TANC1: variants seen among roughly 807,000 people sequenced by gnomAD.
TANC1 encodes the protein protein TANC1.
Under a neutral mutation model 149.7 loss-of-function variants are expected in TANC1, and 77 were observed. The ratio of observed to expected loss-of-function variants is 0.51; its 90% CI spans 0.43 to 0.62. TANC1 has a LOEUF of 0.62. TANC1 is among the 20% of genes least tolerant of loss of function. The pLI, the probability that TANC1 is intolerant of heterozygous loss-of-function variation, is 0.00. For synonymous variants in TANC1, 854 were observed against 925.0 expected (o/e 0.92, Z 1.39); for missense variants, 1,985 against 2,321.8 (o/e 0.85, Z 2.98).
At chr2:159,029,629 T>A (rs531700262) in intron 2 of TANC1, among the ~76,000 whole-genome samples, 1 of 152,218 alleles carries the variant, frequency 6.6e-6, no homozygotes, top group South Asian at 2.1e-4. Flanking sequence ...AGTGGCACAA[T>A]CATAGTTCAC....
intron 4 of TANC1, among the ~76,000 whole-genome samples, chr2:159,114,745 CAT>C (rs2048066858): frequency 1.3e-5 from 2 of 151,734 alleles, no homozygotes; most frequent in Non-Finnish European, 2.9e-5. Context: ...AAATAAAGTT[CAT>C]TTTATTCTGT....
At chr2:159,047,039 C>T (rs2041116590) in intron 2 of TANC1, among the ~76,000 whole-genome samples, 1 of 152,088 alleles carries the variant, frequency 6.6e-6, no homozygotes, top group Non-Finnish European at 1.5e-5. Context: ...GGGGAGACCT[C>T]AATAATTCTG....
Position 159,169,349 on chromosome 2 carries a change from G to C in TANC1, c.1046G>C (p.Gly349Ala). 4 of 1,613,994 alleles carry C rather than the reference G, an allele frequency of 2.5e-6. No homozygotes were observed. The highest frequency in any genetic ancestry group is 3.4e-6 in the Non-Finnish European group (4 of 1,179,912). ...AGATTACCATGGCACAATACGGCCGGAGGTAGGGCACAGGAAGTTAAAGGT... is the reference window on the plus strand; with the variant it reads ...AGATTACCATGGCACAATACGGCCGCAGGTAGGGCACAGGAAGTTAAAGGT... ...SIRLPWHNTA[G>A]GRAQEVKARF... Residue 349 changes from glycine to alanine, a missense_variant, in exon 9 of 27, where the codon GGA (glycine) becomes GCA (alanine). This residue lies in a region of TANC1 where 557 missense variants were observed against 612.9 expected (regional missense o/e 0.91). Coordinates refer to ENST00000263635, the MANE Select transcript of TANC1 (RefSeq NM_033394.3).
intron 1 of TANC1, among the ~76,000 whole-genome samples, chr2:158,970,241 G>A (rs1376598065): frequency 1.3e-5 from 2 of 152,164 alleles, no homozygotes; most frequent in African/African-American, 2.4e-5. Flanking sequence ...CTGCGTCTCT[G>A]CTTTCACCAG....
intron 3 of TANC1, among the ~76,000 whole-genome samples, chr2:159,070,909 A>G (rs570133281): frequency 6.6e-6 from 1 of 151,774 alleles, no homozygotes; most frequent in Non-Finnish European, 1.5e-5. Flanking sequence ...CTCAGCTAAT[A>G]TTTTTTTTTC....
intron 5 of TANC1, among the ~76,000 whole-genome samples, chr2:159,139,950 T>C (rs2051177510): frequency 6.6e-6 from 1 of 152,094 alleles, no homozygotes; most frequent in South Asian, 2.1e-4. Context: ...GGGCTGGGTG[T>C]GGTGGCTCGC....
At chr2:159,031,209 G>A (rs2039752803) in intron 2 of TANC1, among the ~76,000 whole-genome samples, 1 of 152,238 alleles carries the variant, frequency 6.6e-6, no homozygotes, top group African/African-American at 2.4e-5. Context: ...AGCAGCAAGA[G>A]CAACTTAGCC....
At chr2:159,154,372 A>C (rs1353020957) in intron 7 of TANC1, among the ~76,000 whole-genome samples, 1 of 152,216 alleles carries the variant, frequency 6.6e-6, no homozygotes, top group Non-Finnish European at 1.5e-5. Context: ...TTGTGTTCCC[A>C]CATGCCCAGG....
chr2:159,208,704 T>C (rs962233457), intron 19 of TANC1, among the ~76,000 whole-genome samples: 1 of 152,242 alleles, frequency 6.6e-6, no homozygotes, highest in Non-Finnish European at 1.5e-5. Context: ...TCATGGCCAT[T>C]GGGAGATCTG....
intron 3 of TANC1, among the ~76,000 whole-genome samples, chr2:159,066,459 A>AAGAAG (rs1249818233): frequency 6.6e-6 from 1 of 152,162 alleles, no homozygotes; most frequent in Non-Finnish European, 1.5e-5. Context: ...ACTTTATTAT[A>AAGAAG]AGAAGTGACT....
rs1246784115 is a variant in TANC1, at chr2:159,230,546, C to T, written c.5120C>T (p.Thr1707Ile). 5.6e-6 allele frequency: 9 copies of T among 1,614,208 alleles called. No homozygotes were observed. Among genetic ancestry groups the T allele is most frequent in the Non-Finnish European group, 7.6e-6 (9 of 1,180,044 alleles). The change falls in exon 27 of 27, where the codon ACC becomes ATC. Residue 1707 changes from threonine to isoleucine, a missense_variant. Thr to Ile is a moderately conservative substitution (Grantham distance 89). This residue lies in a region of TANC1 where 920 missense variants were observed against 994.7 expected (regional missense o/e 0.92). Transcript: ENST00000263635. The surrounding 1 kb of genome is among the most constrained non-coding windows in gnomAD (Gnocchi z 4.4). ...PDTRIKDKVV[T>I]HVQSGTAEHR... is the part of the protein sequence containing the mutation. ...ACTAGAATTAAAGACAAGGTTGTAA[C>T]CCACGTTCAGAGCGGTACAGCTGAG... is the stretch of plus-strand genomic sequence containing the variant.
chr2:159,159,739 AG>A (rs1559367117), intron 7 of TANC1, among the ~76,000 whole-genome samples: 1 of 150,900 alleles, frequency 6.6e-6, no homozygotes, highest in Non-Finnish European at 1.5e-5. Flanking sequence ...AGAGAGAGAG[AG>A]AGAGAGAGAG....
chr2:159,057,943 T>C (rs1300270367), intron 2 of TANC1, among the ~76,000 whole-genome samples: 1 of 152,202 alleles, frequency 6.6e-6, no homozygotes, highest in Non-Finnish European at 1.5e-5. Flanking sequence ...AGTTTTGTCT[T>C]CTAGTTAGCC....
rs187543080 is a variant in TANC1, at chr2:159,035,960, G to A, written c.-15-29936G>A. Among the ~76,000 whole-genome samples, 68 of 152,302 alleles carry A rather than the reference G, an allele frequency of 4.5e-4. No homozygotes were observed. The East Asian group carries it at 0.011, about 24-fold the overall frequency. On this transcript the variant is annotated intron_variant, in intron 2 of 26. Coordinates refer to ENST00000263635, the MANE Select transcript of TANC1 (RefSeq NM_033394.3). ...GTGCACACGCATCTGTGGGTCCTCC[G>A]GACAGAGGGTCTGAGAGCGGGCATG...
intron 4 of TANC1, among the ~76,000 whole-genome samples, chr2:159,134,553 G>A (rs949928769): frequency 6.6e-6 from 1 of 152,186 alleles, no homozygotes; most frequent in African/African-American, 2.4e-5. Context: ...CGTGATCTCA[G>A]CTCACTGCAG....
At chr2:159,147,926 T>C (rs1473153481) in intron 5 of TANC1, 1 of 152,202 alleles carries the variant, frequency 6.6e-6, no homozygotes, top group Non-Finnish European at 1.5e-5. Context: ...ATAAGCCAGA[T>C]GGCCTTTGCA....
chr2:159,007,746 T>C (rs2037358534), intron 2 of TANC1, among the ~76,000 whole-genome samples: 1 of 152,154 alleles, frequency 6.6e-6, no homozygotes, highest in South Asian at 2.1e-4. Context: ...GGTTAATCTT[T>C]CAGAAGTGAA....
intron 1 of TANC1, among the ~76,000 whole-genome samples, chr2:158,997,158 C>T (rs147013791): frequency 1.0e-3 from 152 of 152,238 alleles, no homozygotes; most frequent in Non-Finnish European, 1.8e-3. Flanking sequence ...ACTGCATAAA[C>T]GCTGTACTCT....
rs1402558625 is a variant in TANC1, at chr2:159,187,018, C to T, written c.2736C>T (p.Asn912=). ...LASLRNLYTP[N]VKVSRLLILG... is the part of the protein sequence containing the mutation. Reference sequence around the variant, plus strand: ...CTCTCAGGAATCTCTATACTCCCAACGTGAAGGTGAGCAACCTTCTGCACA... The same window carrying T: ...CTCTCAGGAATCTCTATACTCCCAATGTGAAGGTGAGCAACCTTCTGCACA... The change falls in exon 16 of 27, where the codon AAC becomes AAT. Residue 912 remains asparagine, a synonymous_variant. Transcript: ENST00000263635. 2.5e-6 allele frequency: 4 copies of T among 1,614,168 alleles called. No homozygotes were observed. The highest frequency in any genetic ancestry group is 3.3e-5 in the Admixed American group (2 of 60,028).
Sources: allele counts gnomAD v4.1 joint callset (sites outside exome capture counted in the v4.1 genomes callset), GRCh38; gene constraint gnomAD v4.1.1; regional missense constraint gnomAD v4.1.1; non-coding constraint Gnocchi (gnomAD v3.1); transcripts MANE v1.5; gene names NCBI Gene and HGNC (gene_info 2026-07-23, HGNC 2026-07-21).